The following NUP98 variants were observed in gnomAD, a reference collection of about 807,000 sequenced individuals.
NUP98 encodes the protein nuclear pore complex protein Nup98-Nup96.
A neutral mutation model predicts 191.9 loss-of-function variants in NUP98; 26 were observed. That is an observed-to-expected ratio of 0.14 (90% CI 0.10 to 0.19). The LOEUF (loss-of-function observed/expected upper bound fraction) is 0.19, where lower values mean the gene tolerates loss of function less well. Ranked by LOEUF, NUP98 falls within the 10% of genes least tolerant of loss-of-function variation. NUP98 has a pLI of 1.00. For missense variants in NUP98, 1,941 were observed against 2,178.8 expected, an observed-to-expected ratio of 0.89 and a Z score of 2.17; for synonymous variants, 808 against 778.4, an observed-to-expected ratio of 1.04 and a Z score of -0.63.
intron 18 of NUP98, 27 bp from the exon 19 acceptor site, chr11:3,714,022 C>G: frequency 6.2e-7 from 1 of 1,608,598 alleles, no homozygotes; most frequent in Non-Finnish European, 8.5e-7. Context: ...ATTAAAGTAA[C>G]CAATTAAAGT....
intron 18 of NUP98, among the ~76,000 whole-genome samples, chr11:3,717,867 T>A (rs1038576250): frequency 6.6e-6 from 1 of 152,232 alleles, no homozygotes; most frequent in Non-Finnish European, 1.5e-5. Flanking sequence ...CTTTATCTTG[T>A]TAAAGTGGTA....
rs118166878 is a variant in NUP98 at position 3,719,821 on chromosome 11, G to A, written c.2261-271C>T. Among the ~76,000 whole-genome samples, 625 of 148,906 alleles carry A rather than the reference G, an allele frequency of 4.2e-3. 2 individuals are homozygous for A. Among genetic ancestry groups the A allele is most frequent in the Non-Finnish European group, 6.6e-3 (445 of 67,520 alleles). ...GTTCTGTTGACCAGACTGAAGTGCA[G>A]TGGTCCTGTCTCACTGCAGCCTGAA... On this transcript the variant is annotated intron_variant, in intron 17 of 32. Coordinates refer to ENST00000324932, the MANE Select transcript of NUP98 (RefSeq NM_016320.5).
chr11:3,735,050 C>G lies in NUP98; in HGVS notation c.1542+141G>C, dbSNP rs565859040. 5.6e-6 allele frequency: 4 copies of G among 711,956 alleles called. No individual in the cohort carries two copies. In the East Asian group the frequency reaches 1.3e-4, roughly 22 times the overall value. 44.1% of individuals were successfully genotyped at this position (711,956 alleles called of 1,614,324 possible). On this transcript the variant is annotated intron_variant, in intron 13 of 32. Coordinates refer to ENST00000324932, the MANE Select transcript of NUP98 (RefSeq NM_016320.5). ...TACAGCAAAAATAATTTACTCCCGGCTGAGTGAAATAATATCTTAAAAAAT... is the reference window on the plus strand; with the variant it reads ...TACAGCAAAAATAATTTACTCCCGGGTGAGTGAAATAATATCTTAAAAAAT...
Position 3,771,807 on chromosome 11 carries a change from C to G in NUP98, c.725G>C (p.Ser242Thr), listed in dbSNP as rs1658176458. The G allele has an allele frequency of 1.2e-6, 2 of 1,614,166 alleles. No individual in the cohort carries two copies. The highest frequency in any genetic ancestry group is 1.7e-6 in the Non-Finnish European group (2 of 1,180,032). Reference protein sequence around the residue: ...PATSSATGLFSSSTTNSGFAY... With the variant: ...PATSSATGLFTSSTTNSGFAY... ...AAAGCCTGAATTAGTGGTGGAGGAG[C>G]TGAAGAGTCCTGTTGCGCTGGAAGT... Residue 242 changes from serine (S) to threonine (T), a missense_variant, in exon 7 of 33, where the codon AGC becomes ACC. This residue lies in a region of NUP98 where 181 missense variants were observed against 228.0 expected (regional missense o/e 0.79). Coordinates refer to ENST00000324932, the MANE Select transcript of NUP98 (RefSeq NM_016320.5).
intron 26 of NUP98, among the ~76,000 whole-genome samples, chr11:3,695,239 G>A (rs549928482): frequency 2.0e-5 from 3 of 152,260 alleles, no homozygotes; most frequent in African/African-American, 7.2e-5. Flanking sequence ...ATATGATATG[G>A]GATATGATAC....
chr11:3,778,694 ACT>A (rs2081840929), intron 4 of NUP98, among the ~76,000 whole-genome samples, 177 bp downstream of exon 4: 1 of 152,070 alleles, frequency 6.6e-6, no homozygotes, highest in East Asian at 1.9e-4. Context: ...AAATGTACAT[ACT>A]CTCTTCCTTT....
At chr11:3,760,977 T>C (rs1047932529) in intron 9 of NUP98, among the ~76,000 whole-genome samples, 2 of 152,226 alleles carry the variant, frequency 1.3e-5, no homozygotes, top group Admixed American at 1.3e-4. Flanking sequence ...AATACTTGCT[T>C]TGCCAGAAGA....
chr11:3,778,647 C>A (rs2133934471), intron 4 of NUP98, among the ~76,000 whole-genome samples: 1 of 152,298 alleles, frequency 6.6e-6, no homozygotes, highest in African/African-American at 2.4e-5. Context: ...TCTGCATATC[C>A]CTTAAATAAC....
At chr11:3,781,930 T>C (rs1355694624) in intron 2 of NUP98, 112 bp downstream of exon 2, 1 of 590,962 alleles carries the variant, frequency 1.7e-6, no homozygotes, top group Non-Finnish European at 2.9e-6. Context: ...GACGACTTTG[T>C]TATAAATATG....
At position 3,676,654 on chromosome 11, in the gene NUP98, G is replaced by A. The variant is rs779243258; in HGVS notation, c.5074-34C>T. On this transcript the variant is annotated intron_variant, in intron 31 of 32. Transcript: ENST00000324932. ...AAGCAGAGAAGCCAATTAATCCAAG[G>A]GGAGTTCCTATCACTCCAATCCCAC... 3 of 1,515,592 alleles carry A rather than the reference G, an allele frequency of 2.0e-6. No homozygotes were observed. In the Admixed American group the frequency reaches 5.0e-5, roughly 25 times the overall value. The allele number at this position is 1,515,592 out of a possible 1,614,324, so 93.9% of individuals were successfully genotyped here.
chr11:3,749,991 A>C (rs2080681886), intron 11 of NUP98, among the ~76,000 whole-genome samples: 1 of 152,188 alleles, frequency 6.6e-6, no homozygotes, highest in Non-Finnish European at 1.5e-5. Flanking sequence ...TCCTACAATA[A>C]ACTAACACCT....
rs1422963693 is a variant in NUP98 at position 3,699,142 on chromosome 11, C to T, written c.3949G>A (p.Val1317Ile). The T allele has an allele frequency of 1.9e-6, 3 of 1,613,736 alleles. No individual in the cohort carries two copies. The highest frequency in any genetic ancestry group is 2.5e-6 in the Non-Finnish European group (3 of 1,180,050). Reference protein sequence around the residue: ...LTQKNSPVEAVFSYLTGKRIS... With the variant: ...LTQKNSPVEAIFSYLTGKRIS... ...CTTTTGCCTGTGAGGTAGCTGAATA[C>T]AGCCTCCACAGGGCTGTTTTTTTGG... is the stretch of plus-strand genomic sequence containing the variant. The change falls in exon 25 of 33, where the codon GTA becomes ATA. Residue 1317 changes from valine (V) to isoleucine (I), a missense_variant. Around this residue, in one of 6 missense-constraint regions of NUP98, gnomAD observed 1,030 missense variants for 1,115.8 expected, o/e 0.92. Transcript: ENST00000324932.
At chr11:3,731,885 T>A (rs1253774085) in intron 13 of NUP98, among the ~76,000 whole-genome samples, 1 of 152,212 alleles carries the variant, frequency 6.6e-6, no homozygotes. Context: ...CCAATGAGCA[T>A]TTCTTTTGAA....
At chr11:3,770,174 A>G (rs972268437) in intron 7 of NUP98, among the ~76,000 whole-genome samples, 2 of 151,640 alleles carry the variant, frequency 1.3e-5, no homozygotes, top group Admixed American at 1.3e-4. Flanking sequence ...GTGAAACCCC[A>G]ACTCTATTAA....
Position 3,779,217 on chromosome 11 carries a change from T to C in NUP98, c.117A>G (p.Thr39=). The change falls in exon 3 of 33, where the codon ACA becomes ACG. Residue 39 remains threonine, a synonymous_variant. Coordinates refer to ENST00000324932, the MANE Select transcript of NUP98 (RefSeq NM_016320.5). ...TATTGTTGCTAGAACCAAATGCAGATGTTCCAAATGCCCCTCCACTAGTAG... is the reference window on the plus strand; with the variant it reads ...TATTGTTGCTAGAACCAAATGCAGACGTTCCAAATGCCCCTCCACTAGTAG... The part of the protein sequence containing the change: ...FGTTSGGAFG[T]SAFGSSNNTG... The C allele has an allele frequency of 1.2e-6, 2 of 1,614,216 alleles. No homozygotes were observed. The highest frequency in any genetic ancestry group is 1.7e-6 in the Non-Finnish European group (2 of 1,180,036).
intron 10 of NUP98, among the ~76,000 whole-genome samples, chr11:3,758,485 T>C (rs529795219): frequency 6.6e-5 from 10 of 151,548 alleles, no homozygotes; most frequent in African/African-American, 2.2e-4. Flanking sequence ...TTTAATTTTA[T>C]AGGAAAGAAA....
At chr11:3,780,995 G>A (rs1460368638) in intron 2 of NUP98, among the ~76,000 whole-genome samples, 4 of 152,050 alleles carry the variant, frequency 2.6e-5, no homozygotes, top group African/African-American at 7.2e-5. Flanking sequence ...CAGGAGAACT[G>A]CTTGAACCCA....
chr11:3,685,750 A>C (rs1026174409), intron 29 of NUP98, among the ~76,000 whole-genome samples: 1 of 152,208 alleles, frequency 6.6e-6, no homozygotes, highest in African/African-American at 2.4e-5. Context: ...GATAAATATT[A>C]TAATTTGGCA....
In NUP98 at chr11:3,699,176, G is replaced by A. The variant is rs1388046677; in HGVS notation, c.3915C>T (p.Val1305=). ...CTATPQIEEE[V]SLTQKNSPVE... ...CAGGGCTGTTTTTTTGGGTTAAGGA[G>A]ACTTCCTCTTCAATCTGAGGTGTGG... is the stretch of plus-strand genomic sequence containing the variant. The change falls in exon 25 of 33, where the codon GTC becomes GTT. Residue 1305 remains valine (V), a synonymous_variant. Coordinates refer to ENST00000324932, the MANE Select transcript of NUP98 (RefSeq NM_016320.5). The A allele has an allele frequency of 1.2e-6, 2 of 1,613,980 alleles. No homozygotes were observed. The highest frequency in any genetic ancestry group is 1.7e-6 in the Non-Finnish European group (2 of 1,180,036).
Sources: gnomAD v4.1 joint callset for allele counts (sites outside exome capture counted in the v4.1 genomes callset) on GRCh38, gnomAD v4.1.1 for gene constraint, gnomAD v4.1.1 regional missense constraint, MANE v1.5 for transcripts, NCBI Gene and HGNC (gene_info 2026-07-23, HGNC 2026-07-21) for gene names.